RSU1: variants seen among roughly 807,000 people sequenced by gnomAD.
The protein encoded by RSU1 is Ras suppressor protein 1.
A neutral mutation model predicts 31.1 loss-of-function variants in RSU1; 26 were observed. That is an observed-to-expected ratio of 0.84 (90% CI 0.61 to 1.16). The LOEUF is 1.16. RSU1 is among the 50% of genes most tolerant of loss of function. The probability of loss-of-function intolerance (pLI) is 0.00; values close to 1 mark genes in which losing one functional copy is unlikely to be tolerated. For missense variants in RSU1, 320 were observed against 339.1 expected (o/e 0.94, Z 0.44); for synonymous variants, 164 against 136.3 (o/e 1.20, Z -1.41).
At chr10:16,791,239 C>T (rs1187839947) in intron 2 of RSU1, among the ~76,000 whole-genome samples, 1 of 152,086 alleles carries the variant, frequency 6.6e-6, no homozygotes, top group East Asian at 1.9e-4. Flanking sequence ...GTTGGCCAGG[C>T]TGGTCTCGAA....
At chr10:16,802,403 C>T (rs184785102) in intron 2 of RSU1, among the ~76,000 whole-genome samples, 4 of 152,078 alleles carry the variant, frequency 2.6e-5, no homozygotes, top group East Asian at 3.9e-4. Flanking sequence ...AGTGGGCCTA[C>T]GTCTATTAAA....
At chr10:16,739,466 C>CTTTTTT (rs35664560) in intron 7 of RSU1, among the ~76,000 whole-genome samples, 19 of 94,240 alleles carry the variant, frequency 2.0e-4, no homozygotes, top group African/African-American at 6.8e-4. Flanking sequence ...CATTTTCTTC[C>CTTTTTT]TTTTTTTTTT....
intron 3 of RSU1, 71 bp from the exon 4 acceptor site, chr10:16,764,581 T>G (rs1423896919): frequency 1.4e-6 from 2 of 1,481,440 alleles, no homozygotes; most frequent in Admixed American, 4.2e-5. Context: ...GCGGCACATT[T>G]TGTTTTTCTT....
chr10:16,796,654 T>C (rs961720652), intron 2 of RSU1, among the ~76,000 whole-genome samples: 1 of 152,220 alleles, frequency 6.6e-6, no homozygotes, highest in African/African-American at 2.4e-5. Flanking sequence ...CATCAGATAC[T>C]ACATACACAT....
At chr10:16,770,409 G>A (rs1487720960) in intron 3 of RSU1, among the ~76,000 whole-genome samples, 1 of 152,092 alleles carries the variant, frequency 6.6e-6, no homozygotes, top group East Asian at 1.9e-4. Context: ...CACACCCACG[G>A]CTGCCAGGAA....
chr10:16,772,789 C>T (rs907714589), intron 3 of RSU1, among the ~76,000 whole-genome samples: 4 of 151,974 alleles, frequency 2.6e-5, no homozygotes, highest in Non-Finnish European at 4.4e-5. Flanking sequence ...TATATCTACA[C>T]ATAAGCCTCG....
intron 8 of RSU1, among the ~76,000 whole-genome samples, chr10:16,636,835 G>T (rs565793565): frequency 1.3e-5 from 2 of 152,034 alleles, no homozygotes; most frequent in Non-Finnish European, 2.9e-5. Flanking sequence ...CTATAACTGC[G>T]CAATCTCCTT....
chr10:16,736,127 G>A (rs1278654271), intron 7 of RSU1, among the ~76,000 whole-genome samples: 1 of 152,168 alleles, frequency 6.6e-6, no homozygotes, highest in Non-Finnish European at 1.5e-5. Flanking sequence ...CAGGAAAGGA[G>A]CTATGAAGAA....
At chr10:16,647,012 T>C (rs1426586902) in intron 8 of RSU1, among the ~76,000 whole-genome samples, 1 of 151,952 alleles carries the variant, frequency 6.6e-6, no homozygotes, top group East Asian at 1.9e-4. Context: ...GGAGTCTCTC[T>C]CTGTCTCCAG....
intron 2 of RSU1, among the ~76,000 whole-genome samples, chr10:16,811,255 G>A (rs149119527): frequency 6.6e-6 from 1 of 152,136 alleles, no homozygotes; most frequent in East Asian, 1.9e-4. Context: ...TACACCATCT[G>A]GGTGTGTGTA....
At chr10:16,594,362 T>A (rs1833568643) in intron 8 of RSU1, among the ~76,000 whole-genome samples, 2 of 150,708 alleles carry the variant, frequency 1.3e-5, no homozygotes, top group African/African-American at 4.9e-5. Flanking sequence ...ATATGCACAC[T>A]CTCTGGATGC....
At chr10:16,602,042 T>C (rs763853201) in intron 8 of RSU1, among the ~76,000 whole-genome samples, 1 of 152,206 alleles carries the variant, frequency 6.6e-6, no homozygotes, top group Non-Finnish European at 1.5e-5. Context: ...ACATTCCTTT[T>C]GGCTTGTTTT....
rs139976624 is a variant in RSU1 at position 16,629,054 on chromosome 10, T to G, written c.732-35558A>C. Among the ~76,000 whole-genome samples, 139 of 152,292 alleles carry G rather than the reference T, an allele frequency of 9.1e-4. 4 individuals carry two copies. The East Asian group carries it at 0.025, about 28-fold the overall frequency. ...CACAGCACTATCAACACCGCTGCCA[T>G]GGAGTGAAACTCAGGCTGTGTTCCT... On this transcript the variant is annotated intron_variant, in intron 8 of 8. Coordinates refer to ENST00000345264, the MANE Select transcript of RSU1 (RefSeq NM_012425.4).
intron 7 of RSU1, among the ~76,000 whole-genome samples, chr10:16,750,297 T>G (rs1199922873): frequency 6.6e-6 from 1 of 152,214 alleles, no homozygotes; most frequent in Non-Finnish European, 1.5e-5. Context: ...TACAACTGTT[T>G]GTCTATAATC....
chr10:16,781,537 T>C (rs1350158817), intron 3 of RSU1, among the ~76,000 whole-genome samples: 1 of 152,222 alleles, frequency 6.6e-6, no homozygotes, highest in Non-Finnish European at 1.5e-5. Flanking sequence ...GTTCTAACAA[T>C]TTCAAGTTTT....
chr10:16,653,929 C>T (rs1834727975), intron 8 of RSU1, among the ~76,000 whole-genome samples: 1 of 152,040 alleles, frequency 6.6e-6, no homozygotes. Context: ...AAAGGCTCTA[C>T]ATTAATAATG....
intron 8 of RSU1, among the ~76,000 whole-genome samples, chr10:16,644,725 G>A (rs1834504994): frequency 6.6e-6 from 1 of 152,186 alleles, no homozygotes; most frequent in Non-Finnish European, 1.5e-5. Context: ...TGGTGAACAG[G>A]AGAGCAATAT....
chr10:16,594,805 G>C (rs1262899324), intron 8 of RSU1, among the ~76,000 whole-genome samples: 3 of 132,830 alleles, frequency 2.3e-5, no homozygotes, highest in Non-Finnish European at 4.7e-5. Context: ...TTTTTTTTGA[G>C]ATGGAGTCCT....
At chr10:16,716,548 A>G (rs756558820) in intron 7 of RSU1, among the ~76,000 whole-genome samples, 3 of 152,140 alleles carry the variant, frequency 2.0e-5, no homozygotes, top group Admixed American at 6.5e-5. Context: ...ACCTCCTTCC[A>G]TACATGATAT....
Sources: gnomAD v4.1 joint callset for allele counts (sites outside exome capture counted in the v4.1 genomes callset) on GRCh38, gnomAD v4.1.1 for gene constraint, MANE v1.5 for transcripts, NCBI Gene and HGNC (gene_info 2026-07-23, HGNC 2026-07-21) for gene names.